The following IFI27 variants were observed in gnomAD, a reference collection of about 807,000 sequenced individuals.
IFI27 encodes interferon alpha inducible protein 27, also known as interferon alpha-inducible protein 27, mitochondrial.
In IFI27, 3 loss-of-function variants were observed where a neutral mutation model predicts 8.9. That is an observed-to-expected ratio of 0.34 (90% CI 0.15 to 0.87). The LOEUF (loss-of-function observed/expected upper bound fraction) is 0.87, where lower values mean the gene tolerates loss of function less well. IFI27 is among the 40% of genes least tolerant of loss of function. The pLI, the probability that IFI27 is intolerant of heterozygous loss-of-function variation, is 0.51. For missense variants in IFI27, 152 were observed against 157.7 expected (o/e 0.96, Z 0.19); for synonymous variants, 66 against 67.3 (o/e 0.98, Z 0.09).
upstream of IFI27, among the ~76,000 whole-genome samples, chr14:94,109,968 GA>G (rs1389185508): frequency 6.6e-6 from 1 of 152,176 alleles, no homozygotes; most frequent in Non-Finnish European, 1.5e-5. Context: ...ATGGCTTCAG[GA>G]CACAAGATCA....
intron 2 of IFI27, chr14:94,114,594 A>G (rs1187555057): frequency 5.9e-5 from 31 of 526,604 alleles, no homozygotes; most frequent in African/African-American, 1.9e-5. Flanking sequence ...TCCCCCGATC[A>G]ACCAACCAAT....
At position 94,111,825 on chromosome 14, in the gene IFI27, G is replaced by A; in HGVS notation, c.91+52G>A. The A allele has an allele frequency of 7.2e-7, 1 of 1,381,492 alleles. No homozygotes were observed. The highest frequency in any genetic ancestry group is 1.0e-6 in the Non-Finnish European group (1 of 968,438). 85.6% of individuals were successfully genotyped at this position (1,381,492 alleles called of 1,614,324 possible). ...CTGGGGGCGAGGAGGCGGCTGGGAAGGGCGGGGGTCCTGTCCCGGGACCCG... is the reference window on the plus strand; with the variant it reads ...CTGGGGGCGAGGAGGCGGCTGGGAAAGGCGGGGGTCCTGTCCCGGGACCCG... On this transcript the variant is annotated intron_variant, in intron 2 of 4. Coordinates refer to ENST00000621160, the Ensembl canonical transcript of IFI27. The surrounding 1 kb of genome is among the most constrained non-coding windows in gnomAD (Gnocchi z 4.3).
upstream of IFI27, among the ~76,000 whole-genome samples, chr14:94,109,043 C>G (rs978374491): frequency 2.6e-5 from 4 of 152,120 alleles, no homozygotes; most frequent in Admixed American, 6.5e-5. Flanking sequence ...CCTGTAATCC[C>G]AGCAATTTGG....
exon 4 of IFI27, chr14:94,115,876 G>C (rs202058619): frequency 1.2e-6 from 2 of 1,600,184 alleles, no homozygotes; most frequent in Non-Finnish European, 1.7e-6. Flanking sequence ...GATGATGTCC[G>C]CGGCGGCCAT....
upstream of IFI27, chr14:94,110,735 G>A (rs1215843577): frequency 2.0e-5 from 3 of 152,190 alleles, no homozygotes; most frequent in Non-Finnish European, 4.4e-5. Context: ...CACCCTTTGG[G>A]AACACATCCA....
Position 94,111,893 on chromosome 14 carries a change from C to T in IFI27, c.91+120C>T. ...GACACCCGCAGCCTTGCTGCCCTGT[C>T]CTGTCTTCTCACAGCAGGCGTCCAC... On this transcript the variant is annotated intron_variant, in intron 2 of 4. Coordinates refer to ENST00000621160, the Ensembl canonical transcript of IFI27. This position sits in a 1 kb window ranked among gnomAD's most constrained non-coding sequence, Gnocchi z 4.3. The T allele has an allele frequency of 1.2e-6, 1 of 811,230 alleles. No individual in the cohort carries two copies. Among genetic ancestry groups the T allele is most frequent in the South Asian group, 1.4e-5 (1 of 70,678 alleles). The allele number at this position is 811,230 out of a possible 1,614,324, so 50.3% of individuals were successfully genotyped here.
At chr14:94,114,030 T>C (rs1396909417) in intron 2 of IFI27, 2 of 152,252 alleles carry the variant, frequency 1.3e-5, no homozygotes, top group Admixed American at 6.5e-5. Flanking sequence ...GAGCAAATCA[T>C]GTATATCCAG....
chr14:94,107,322 C>T (rs937042759), upstream of IFI27, among the ~76,000 whole-genome samples: 1 of 152,194 alleles, frequency 6.6e-6, no homozygotes, highest in African/African-American at 2.4e-5. Context: ...CTGCCTGCCT[C>T]GGCTTCCCAA....
chr14:94,106,582 C>T (rs1195217776), upstream of IFI27, among the ~76,000 whole-genome samples: 3 of 152,138 alleles, frequency 2.0e-5, no homozygotes, highest in Non-Finnish European at 2.9e-5. Flanking sequence ...AACATCTTTT[C>T]GTGTGCTTTT....
intron 2 of IFI27, 69 bp from the exon 3 acceptor site, chr14:94,114,782 G>GCAAT: frequency 6.4e-7 from 1 of 1,564,884 alleles, no homozygotes; most frequent in Non-Finnish European, 8.8e-7. Flanking sequence ...CTTTAGATGG[G>GCAAT]CAATCGGCTT....
intron 2 of IFI27, chr14:94,114,555 G>A (rs1887315292): frequency 2.2e-6 from 1 of 458,346 alleles, no homozygotes; most frequent in Non-Finnish European, 3.9e-6. Flanking sequence ...CCTGCCTTGG[G>A]AGGCAGAAAA....
chr14:94,112,308 G>A (rs1887223510), intron 2 of IFI27: 1 of 159,508 alleles, frequency 6.3e-6, no homozygotes, highest in Non-Finnish European at 1.4e-5. Context: ...TATATTTAAT[G>A]TGTGTCTGTT....
At chr14:94,107,065 TTTATTA>T (rs562384942), upstream of IFI27, among the ~76,000 whole-genome samples, 1 of 151,746 alleles carries the variant, frequency 6.6e-6, no homozygotes, top group South Asian at 2.1e-4. Context: ...ATATATATCA[TTTATTA>T]TTATTATTAT....
intron 3 of IFI27, chr14:94,115,418 C>T: frequency 5.3e-6 from 3 of 562,378 alleles, no homozygotes; most frequent in South Asian, 4.6e-5. Context: ...GCAACATCTG[C>T]TCCCCTAATG....
Position 94,114,889 on chromosome 14 carries a change from G to T in IFI27, c.121+9G>T. 10 of 1,614,004 alleles carry T rather than the reference G, an allele frequency of 6.2e-6. No homozygotes were observed. Among genetic ancestry groups the T allele is most frequent in the Non-Finnish European group, 8.5e-6 (10 of 1,179,822 alleles). On this transcript the variant is annotated intron_variant, in intron 3 of 4. Transcript: ENST00000621160. ...AGTTGTGATTGGAGGAGGTGAGTCT[G>T]TGGGGAAGGGGCTCAAGTAACCACC...
chr14:94,109,523 A>G (rs1171019133), upstream of IFI27, among the ~76,000 whole-genome samples: 1 of 152,076 alleles, frequency 6.6e-6, no homozygotes, highest in Non-Finnish European at 1.5e-5. Context: ...AGGACTGGGA[A>G]TCTTGGAGTT....
At chr14:94,115,396 A>G (rs1357385836) in intron 3 of IFI27, 1 of 539,052 alleles carries the variant, frequency 1.9e-6, no homozygotes, top group Non-Finnish European at 3.5e-6. Context: ...TGCCTCTTAC[A>G]TAATCTCCTG....
chr14:94,116,568 G>C lies in IFI27; in HGVS notation c.*41G>C, dbSNP rs1887425109. ...CCTGCAGAGAAGAGAACCATGCCAG[G>C]GGAGAAGGCACCCAGCCATCCTGAC... On this transcript the variant is annotated 3_prime_UTR_variant, in exon 5 of 5. Transcript: ENST00000621160. This position sits in a 1 kb window ranked among gnomAD's most constrained non-coding sequence, Gnocchi z 4.3. The C allele has an allele frequency of 6.6e-7, 1 of 1,515,050 alleles. No individual in the cohort carries two copies. Among genetic ancestry groups the C allele is most frequent in the African/African-American group, 1.4e-5 (1 of 73,066 alleles). 93.9% of individuals were successfully genotyped at this position (1,515,050 alleles called of 1,614,324 possible).
At position 94,111,791 on chromosome 14, in the gene IFI27, G is replaced by A. The variant is rs779912529; in HGVS notation, c.91+18G>A. ...GCCCCTGGGTGAGTGTTCCTGGGAGGGGCTGGTGCTGGGGGCGAGGAGGCG... is the reference window on the plus strand; with the variant it reads ...GCCCCTGGGTGAGTGTTCCTGGGAGAGGCTGGTGCTGGGGGCGAGGAGGCG... On this transcript the variant is annotated intron_variant, in intron 2 of 4. Transcript: ENST00000621160. The surrounding 1 kb of genome is among the most constrained non-coding windows in gnomAD (Gnocchi z 4.3). The A allele has an allele frequency of 8.4e-5, 134 of 1,600,636 alleles. 1 individual carries two copies. The highest frequency in any genetic ancestry group is 1.6e-4 in the East Asian group (7 of 44,800).
Sources: gnomAD v4.1 joint callset for allele counts (sites outside exome capture counted in the v4.1 genomes callset) on GRCh38, gnomAD v4.1.1 for gene constraint, Gnocchi (gnomAD v3.1) non-coding constraint, MANE v1.5 for transcripts, NCBI Gene and HGNC (gene_info 2026-07-23, HGNC 2026-07-21) for gene names.